Variants in ARHGAP44 observed in about 807,000 individuals in gnomAD.
ARHGAP44 encodes the protein rho GTPase-activating protein 44.
Under a neutral mutation model 106.8 loss-of-function variants are expected in ARHGAP44, and 43 were observed. That is an observed-to-expected ratio of 0.40 (90% confidence interval 0.32 to 0.52). ARHGAP44 has a LOEUF of 0.52. Ranked by LOEUF, ARHGAP44 falls within the 20% of genes least tolerant of loss-of-function variation. The pLI, the probability that ARHGAP44 is intolerant of heterozygous loss-of-function variation, is 0.48. For missense variants in ARHGAP44, 866 were observed against 1,050.5 expected (o/e 0.82, Z 2.43); for synonymous variants, 439 against 410.3 (o/e 1.07, Z -0.85).
chr17:12,877,609 G>A (rs35083658), intron 1 of ARHGAP44, among the ~76,000 whole-genome samples: 6,478 of 152,182 alleles, frequency 0.043, 219 homozygotes, highest in Non-Finnish European at 0.066. Context: ...AATTAGCCGG[G>A]CGAGGTGGCG....
At chr17:12,938,489 A>G (rs1026672846) in intron 7 of ARHGAP44, among the ~76,000 whole-genome samples, 2 of 151,154 alleles carry the variant, frequency 1.3e-5, no homozygotes, top group Non-Finnish European at 2.9e-5. Context: ...TCCAAATACA[A>G]TGTGATTTCA....
At chr17:12,928,899 C>T (rs1160049077) in intron 6 of ARHGAP44, 30 bp from the exon 7 acceptor site, 2 of 1,580,966 alleles carry the variant, frequency 1.3e-6, no homozygotes, top group Admixed American at 3.5e-5. Flanking sequence ...CTACCTGTCT[C>T]ACATCTCTTT....
intron 1 of ARHGAP44, among the ~76,000 whole-genome samples, chr17:12,813,249 C>T (rs1436704282): frequency 6.6e-6 from 1 of 151,782 alleles, no homozygotes; most frequent in East Asian, 1.9e-4. Context: ...ATCAGTCAAC[C>T]ACGATTCAAG....
Position 12,978,036 on chromosome 17 carries a change from C to CAAAAAAAAAAAAA in ARHGAP44, c.1764-2014_1764-2002dup, listed in dbSNP as rs1157325814. On this transcript the variant is annotated intron_variant, in intron 18 of 20. Coordinates refer to ENST00000379672, the MANE Select transcript of ARHGAP44 (RefSeq NM_014859.6). ...TGGGCAACAGAGCAAGACTCCATCT[C>CAAAAAAAAAAAAA]AAAAAAAAAAAAAAAAAAAAGTGTG... 2.5e-3 allele frequency among the ~76,000 whole-genome samples: 226 copies of CAAAAAAAAAAAAA among 89,250 alleles called. 14 individuals carry two copies. The highest frequency in any genetic ancestry group is 9.8e-3 in the African/African-American group (206 of 20,978). 58.6% of individuals were successfully genotyped at this position (89,250 alleles called of 152,430 possible). A position where few individuals can be genotyped will look rare whatever the true frequency, so the allele number is the denominator to read the frequency against.
chr17:12,975,715 G>A (rs926854298), intron 18 of ARHGAP44, among the ~76,000 whole-genome samples: 11 of 147,926 alleles, frequency 7.4e-5, no homozygotes, highest in East Asian at 4.0e-4. Flanking sequence ...GGAGAATGGC[G>A]TGAACCCAGG....
intron 6 of ARHGAP44, among the ~76,000 whole-genome samples, chr17:12,922,915 G>C (rs2038127369): frequency 6.6e-6 from 1 of 152,042 alleles, no homozygotes; most frequent in South Asian, 2.1e-4. Flanking sequence ...CATGCCACTT[G>C]GTGTCATTAG....
chr17:12,922,331 A>G (rs187231016), intron 6 of ARHGAP44, among the ~76,000 whole-genome samples: 1 of 152,224 alleles, frequency 6.6e-6, no homozygotes, highest in Non-Finnish European at 1.5e-5. Flanking sequence ...GGAGGAATAG[A>G]CAGCAGAATG....
chr17:12,798,507 C>T (rs1303225536), intron 1 of ARHGAP44, among the ~76,000 whole-genome samples: 2 of 152,084 alleles, frequency 1.3e-5, no homozygotes, highest in East Asian at 3.9e-4. Flanking sequence ...ATCATTGATA[C>T]ATCAATGATA....
At chr17:12,972,149 C>T (rs2039541897) in intron 16 of ARHGAP44, among the ~76,000 whole-genome samples, 1 of 152,170 alleles carries the variant, frequency 6.6e-6, no homozygotes, top group African/African-American at 2.4e-5. Flanking sequence ...ACCTATCTCT[C>T]TGTGCAGATA....
intron 8 of ARHGAP44, among the ~76,000 whole-genome samples, chr17:12,943,119 C>A (rs1164981518): frequency 6.6e-6 from 1 of 152,186 alleles, no homozygotes; most frequent in African/African-American, 2.4e-5. Context: ...GTTGCCCAAG[C>A]TGGTCTTGAA....
intron 5 of ARHGAP44, among the ~76,000 whole-genome samples, chr17:12,916,513 T>G (rs2037919760): frequency 6.6e-6 from 1 of 152,156 alleles, no homozygotes; most frequent in Non-Finnish European, 1.5e-5. Flanking sequence ...GCCTCCCAAG[T>G]AGCTGGGATT....
At chr17:12,825,521 G>C (rs940799290) in intron 1 of ARHGAP44, among the ~76,000 whole-genome samples, 1 of 151,848 alleles carries the variant, frequency 6.6e-6, no homozygotes, top group Non-Finnish European at 1.5e-5. Context: ...GAAATCTGCC[G>C]GGCGAGTGGC....
rs1241375775 is a variant in ARHGAP44 at position 12,861,297 on chromosome 17, A to ATATTGTT, written c.54-33641_54-33635dup. Among the ~76,000 whole-genome samples the ATATTGTT allele has an allele frequency of 2.2e-4, 33 of 152,238 alleles. 1 individual carries two copies. The highest frequency in any genetic ancestry group is 2.0e-3 in the Admixed American group (30 of 15,276). ...GAGCCACCGTGTGCCTGGCCATGGT[A>ATATTGTT]TATTGTTTTTCTATTCCTGCTATGA... On this transcript the variant is annotated intron_variant, in intron 1 of 20. Transcript: ENST00000379672.
At chr17:12,892,667 T>C (rs2150915299) in intron 1 of ARHGAP44, among the ~76,000 whole-genome samples, 1 of 152,238 alleles carries the variant, frequency 6.6e-6, no homozygotes, top group East Asian at 1.9e-4. Context: ...AGGGTTTTTT[T>C]GTTTGTTGAT....
In ARHGAP44 at chr17:12,980,184, C is replaced by A. The variant is rs770767888; in HGVS notation, c.1890C>A (p.Pro630=). 1.9e-6 allele frequency: 3 copies of A among 1,613,488 alleles called. No individual in the cohort carries two copies. Among genetic ancestry groups the A allele is most frequent in the African/African-American group, 1.3e-5 (1 of 75,048 alleles). ...CTGGAGCTCAGCCGGGCGCCAGCCCCAGCCCCAGCCAGCCGCCTGCAGACC... is the reference window on the plus strand; with the variant it reads ...CTGGAGCTCAGCCGGGCGCCAGCCCAAGCCCCAGCCAGCCGCCTGCAGACC... ...AQPGAQPGAS[P]SPSQPPADQS... The change falls in exon 19 of 21, where the codon CCC becomes CCA. Residue 630 remains proline (P), a synonymous_variant. Coordinates refer to ENST00000379672, the MANE Select transcript of ARHGAP44 (RefSeq NM_014859.6).
chr17:12,989,628 AAG>A (rs996641711), intron 20 of ARHGAP44, among the ~76,000 whole-genome samples: 11 of 152,132 alleles, frequency 7.2e-5, no homozygotes, highest in Non-Finnish European at 1.3e-4. Flanking sequence ...TGAGAGGAGA[AAG>A]GGGTCCACTG....
intron 1 of ARHGAP44, among the ~76,000 whole-genome samples, chr17:12,873,917 AT>A (rs2036474880): frequency 1.9e-4 from 3 of 15,656 alleles, no homozygotes; most frequent in African/African-American, 2.3e-4. Context: ...AAATAAATAA[AT>A]AAATAAATAA....
Position 12,958,912 on chromosome 17 carries a change from C to T in ARHGAP44, c.1523+15C>T, listed in dbSNP as rs2039192349. Reference sequence around the variant, plus strand: ...AAAAAGGATGGGTATGAACTGGTGTCTCTTTCTCAGCACTGGGGATTAGGG... The same window carrying T: ...AAAAAGGATGGGTATGAACTGGTGTTTCTTTCTCAGCACTGGGGATTAGGG... On this transcript the variant is annotated intron_variant, in intron 16 of 20. Coordinates refer to ENST00000379672, the MANE Select transcript of ARHGAP44 (RefSeq NM_014859.6). The surrounding 1 kb of genome is among the most constrained non-coding windows in gnomAD (Gnocchi z 4.1). 1 of 1,595,808 alleles carries T rather than the reference C, an allele frequency of 6.3e-7. No individual in the cohort carries two copies. Among genetic ancestry groups the T allele is most frequent in the Non-Finnish European group, 8.5e-7 (1 of 1,170,870 alleles).
chr17:12,899,928 C>T (rs113152647), intron 3 of ARHGAP44, among the ~76,000 whole-genome samples: 11 of 152,206 alleles, frequency 7.2e-5, no homozygotes, highest in African/African-American at 1.9e-4. Context: ...TTTGTCATAC[C>T]ACTTTTAAAA....
Sources: allele counts gnomAD v4.1 joint callset (sites outside exome capture counted in the v4.1 genomes callset), GRCh38; gene constraint gnomAD v4.1.1; non-coding constraint Gnocchi (gnomAD v3.1); transcripts MANE v1.5; gene names NCBI Gene and HGNC (gene_info 2026-07-23, HGNC 2026-07-21).